The following SGCE variants were observed in gnomAD, a reference collection of about 807,000 sequenced individuals.
SGCE encodes epsilon-sarcoglycan.
SGCE carries 26 observed loss-of-function variants against 57.8 expected under a neutral mutation model. The ratio of observed to expected loss-of-function variants is 0.45; its 90% CI spans 0.33 to 0.62. SGCE has a LOEUF of 0.62. Among genes scored for constraint, SGCE ranks in the 20% least tolerant of loss-of-function variants. The probability of loss-of-function intolerance (pLI) is 0.02; values close to 1 mark genes in which losing one functional copy is unlikely to be tolerated. For synonymous variants in SGCE, 183 were observed against 189.5 expected (o/e 0.97, Z 0.28); for missense variants, 468 against 548.6 (o/e 0.85, Z 1.47).
chr7:94,609,534 AAAC>A (rs937340108), intron 5 of SGCE, among the ~76,000 whole-genome samples: 4 of 152,194 alleles, frequency 2.6e-5, no homozygotes, highest in Admixed American at 6.5e-5. Flanking sequence ...TCTGTCTAAA[AAAC>A]AACAACAACA....
At chr7:94,623,428 G>A (rs766822286) in intron 3 of SGCE, 31 bp from the exon 4 acceptor site, 2 of 1,342,754 alleles carry the variant, frequency 1.5e-6, no homozygotes, top group Non-Finnish European at 2.1e-6. Flanking sequence ...TATTAAAGAA[G>A]TGAAATGTTC....
At chr7:94,589,961 G>A (rs1474541901) in intron 9 of SGCE, 1 of 152,214 alleles carries the variant, frequency 6.6e-6, no homozygotes, top group Non-Finnish European at 1.5e-5. Flanking sequence ...CAAAAAGCTT[G>A]GGGACCACTG....
intron 5 of SGCE, among the ~76,000 whole-genome samples, chr7:94,609,949 G>A (rs1390582674): frequency 1.3e-5 from 2 of 152,122 alleles, no homozygotes; most frequent in African/African-American, 4.8e-5. Context: ...AAATATGGGG[G>A]CAACCAAGAT....
intron 5 of SGCE, among the ~76,000 whole-genome samples, chr7:94,614,106 T>TAAAAAAAAAAAAAAAAAAAA (rs1562832897): frequency 3.6e-5 from 2 of 55,172 alleles, no homozygotes; most frequent in Non-Finnish European, 3.4e-5. Flanking sequence ...CAAATTGAAA[T>TAAAAAAAAAAAAAAAAAAAA]CAAAAAAAAA....
At chr7:94,639,238 C>T in intron 1 of SGCE, 1 of 721,620 alleles carries the variant, frequency 1.4e-6, no homozygotes, top group East Asian at 2.7e-5. Context: ...TTACTAACAA[C>T]AACAACAAAA....
intron 3 of SGCE, chr7:94,625,378 C>T (rs1202276339): frequency 2.0e-5 from 3 of 151,582 alleles, no homozygotes; most frequent in Non-Finnish European, 4.4e-5. Flanking sequence ...TATCTTTTTA[C>T]TATATTTTTA....
At chr7:94,590,200 C>A (rs1048079958) in intron 9 of SGCE, among the ~76,000 whole-genome samples, 1 of 152,104 alleles carries the variant, frequency 6.6e-6, no homozygotes, top group Non-Finnish European at 1.5e-5. Flanking sequence ...GAACTTGTTA[C>A]AGCATACAGG....
intron 6 of SGCE, among the ~76,000 whole-genome samples, chr7:94,602,201 C>T (rs1799366109): frequency 6.6e-6 from 1 of 152,076 alleles, no homozygotes; most frequent in African/African-American, 2.4e-5. Context: ...CTCCTGCACC[C>T]TTGTATCGTT....
intron 5 of SGCE, among the ~76,000 whole-genome samples, chr7:94,615,959 G>A (rs1256736829): frequency 6.6e-6 from 1 of 152,206 alleles, no homozygotes; most frequent in Non-Finnish European, 1.5e-5. Flanking sequence ...TTGCCTTGGG[G>A]TTATCAGTCT....
intron 1 of SGCE, among the ~76,000 whole-genome samples, chr7:94,633,065 A>G (rs1387959285): frequency 6.6e-6 from 1 of 152,030 alleles, no homozygotes; most frequent in Non-Finnish European, 1.5e-5. Flanking sequence ...TGAAATATAC[A>G]TGTGTACAGT....
At chr7:94,614,106 TCAAAAAA>T (rs953804812) in intron 5 of SGCE, among the ~76,000 whole-genome samples, 5 of 55,170 alleles carry the variant, frequency 9.1e-5, no homozygotes, top group Non-Finnish European at 1.7e-4. Context: ...CAAATTGAAA[TCAAAAAA>T]AAAAAAAAAA....
At chr7:94,593,423 G>C (rs886191680) in intron 9 of SGCE, among the ~76,000 whole-genome samples, 20 of 151,998 alleles carry the variant, frequency 1.3e-4, no homozygotes, top group Admixed American at 1.1e-3. Flanking sequence ...TGGTATTGAT[G>C]TTGGCATAAG....
At chr7:94,587,440 C>T (rs945707906) in intron 10 of SGCE, 49 of 1,174,922 alleles carry the variant, frequency 4.2e-5, no homozygotes, top group Non-Finnish European at 4.7e-5. Flanking sequence ...AAATCTTAGG[C>T]GAGATGGAAG....
At chr7:94,614,235 G>T (rs1291579965) in intron 5 of SGCE, among the ~76,000 whole-genome samples, 1 of 151,112 alleles carries the variant, frequency 6.6e-6, no homozygotes, top group African/African-American at 2.4e-5. Context: ...ATTTTTTCAT[G>T]TGTTCATGTT....
At chr7:94,587,154 G>A in intron 10 of SGCE, 1 of 984,174 alleles carries the variant, frequency 1.0e-6, no homozygotes, top group Non-Finnish European at 1.2e-6. Context: ...AAAACTCTTT[G>A]GCTCTTATAT....
chr7:94,636,629 A>G (rs1805623969), intron 1 of SGCE, among the ~76,000 whole-genome samples: 1 of 152,226 alleles, frequency 6.6e-6, no homozygotes, highest in Admixed American at 6.5e-5. Flanking sequence ...AAGAGATTCC[A>G]TAGTCCATAT....
At chr7:94,615,389 G>A (rs915919485) in intron 5 of SGCE, among the ~76,000 whole-genome samples, 1 of 148,572 alleles carries the variant, frequency 6.7e-6, no homozygotes, top group African/African-American at 2.5e-5. Flanking sequence ...TAGATAGATA[G>A]ATAGATAGAT....
chr7:94,613,207 TC>T (rs1280429219), intron 5 of SGCE, among the ~76,000 whole-genome samples: 2 of 152,234 alleles, frequency 1.3e-5, no homozygotes, highest in African/African-American at 4.8e-5. Flanking sequence ...ATTTATGGCT[TC>T]TTTTGTAGAA....
intron 10 of SGCE, chr7:94,587,976 C>T: frequency 7.1e-7 from 1 of 1,414,130 alleles, no homozygotes; most frequent in Non-Finnish European, 9.2e-7. Flanking sequence ...ATTTTTAAAA[C>T]TTCTCTTGCT....
Sources: allele counts gnomAD v4.1 joint callset (sites outside exome capture counted in the v4.1 genomes callset), GRCh38; gene constraint gnomAD v4.1.1; transcripts MANE v1.5; gene names NCBI Gene and HGNC (gene_info 2026-07-23, HGNC 2026-07-21).